DPP10: variants seen among roughly 807,000 people sequenced by gnomAD.
DPP10 encodes the protein inactive dipeptidyl peptidase 10.
Under a neutral mutation model 120.9 loss-of-function variants are expected in DPP10, and 33 were observed. That is an observed-to-expected ratio of 0.27 (90% CI 0.21 to 0.37). DPP10 has a LOEUF of 0.37. Ranked by LOEUF, DPP10 falls within the 10% of genes least tolerant of loss-of-function variation. The probability of loss-of-function intolerance (pLI) is 1.00; values close to 1 mark genes in which losing one functional copy is unlikely to be tolerated. For synonymous variants in DPP10, 337 were observed against 326.1 expected (o/e 1.03, Z -0.36); for missense variants, 816 against 942.8 (o/e 0.87, Z 1.76).
intron 3 of DPP10, among the ~76,000 whole-genome samples, chr2:115,420,644 A>G (rs1041548452): frequency 3.2e-4 from 48 of 152,274 alleles, no homozygotes; most frequent in African/African-American, 1.1e-3. Context: ...TCTGAAAACA[A>G]AGACTGGTAA....
At chr2:115,414,036 T>G (rs1330806377) in intron 3 of DPP10, among the ~76,000 whole-genome samples, 1 of 152,144 alleles carries the variant, frequency 6.6e-6, no homozygotes, top group East Asian at 1.9e-4. Context: ...AAGCCTTTAA[T>G]TCTGAGGAAG....
At chr2:115,538,536 G>A (rs1443671722) in intron 5 of DPP10, among the ~76,000 whole-genome samples, 1 of 151,888 alleles carries the variant, frequency 6.6e-6, no homozygotes, top group Non-Finnish European at 1.5e-5. Flanking sequence ...GATAACCTAG[G>A]GGTGGCAATG....
intron 19 of DPP10, among the ~76,000 whole-genome samples, chr2:115,804,463 G>C (rs879889328): frequency 6.6e-6 from 1 of 152,162 alleles, no homozygotes; most frequent in African/African-American, 2.4e-5. Context: ...GCTTCGTTCC[G>C]TTGCTGGTGA....
At chr2:115,011,131 TC>T (rs1702233427) in intron 1 of DPP10, among the ~76,000 whole-genome samples, 1 of 152,220 alleles carries the variant, frequency 6.6e-6, no homozygotes, top group Non-Finnish European at 1.5e-5. Flanking sequence ...CGTATTGTGG[TC>T]AAAGAACATA....
intron 3 of DPP10, among the ~76,000 whole-genome samples, chr2:115,473,458 T>G (rs975544221): frequency 6.6e-6 from 1 of 152,172 alleles, no homozygotes; most frequent in Non-Finnish European, 1.5e-5. Context: ...CAGAACCAGA[T>G]GCAAGCTTTA....
At chr2:115,109,560 C>A (rs903877211) in intron 1 of DPP10, among the ~76,000 whole-genome samples, 1 of 151,846 alleles carries the variant, frequency 6.6e-6, no homozygotes, top group East Asian at 1.9e-4. Context: ...AAAAATTCAA[C>A]GTTGTCAATA....
chr2:115,048,296 T>C (rs1213295330), intron 1 of DPP10, among the ~76,000 whole-genome samples: 1 of 152,022 alleles, frequency 6.6e-6, no homozygotes, highest in East Asian at 1.9e-4. Context: ...CCCAATCTAA[T>C]AAATCAGTAA....
chr2:114,650,882 A>C (rs2105483011), intron 1 of DPP10, among the ~76,000 whole-genome samples: 1 of 152,054 alleles, frequency 6.6e-6, no homozygotes, highest in East Asian at 1.9e-4. Flanking sequence ...CTTGGTACAT[A>C]CTCTTTTTAC....
chr2:114,536,492 G>A lies in DPP10; in HGVS notation c.60+93654G>A, dbSNP rs1686508581. On this transcript the variant is annotated intron_variant, in intron 1 of 25. Transcript: ENST00000410059. ...GCCATCTCAGCTCACTGCAACCTCT[G>A]TCTCCCGGGTTCACACCATTCTCCT... Among the ~76,000 whole-genome samples, 3 of 142,596 alleles carry A rather than the reference G, an allele frequency of 2.1e-5. No homozygotes were observed. In the Admixed American group the frequency reaches 2.3e-4, roughly 11 times the overall value. The allele number at this position is 142,596 out of a possible 152,430, so 93.5% of individuals were successfully genotyped here. A position where few individuals can be genotyped will look rare whatever the true frequency, so the allele number is the denominator to read the frequency against.
intron 1 of DPP10, among the ~76,000 whole-genome samples, chr2:115,039,598 C>T (rs141241035): frequency 1.5e-3 from 234 of 152,030 alleles, no homozygotes; most frequent in African/African-American, 5.2e-3. Flanking sequence ...CAGTCAGTGA[C>T]ATTATTCTTG....
In DPP10 at chr2:114,630,502, C is replaced by A. The variant is rs373843618; in HGVS notation, c.60+187664C>A. On this transcript the variant is annotated intron_variant, in intron 1 of 25. Coordinates refer to ENST00000410059, the MANE Select transcript of DPP10 (RefSeq NM_020868.6). The stretch of plus-strand genomic sequence containing the variant: ...TCACCCCATTCCATTATAATTTGAT[C>A]ATTTAAATGAGAAGACAAATATATT... Among the ~76,000 whole-genome samples, 10 of 152,218 alleles carry A rather than the reference C, an allele frequency of 6.6e-5. No individual in the cohort carries two copies. In the East Asian group the frequency reaches 1.7e-3, roughly 26 times the overall value.
intron 1 of DPP10, among the ~76,000 whole-genome samples, chr2:114,947,791 CT>C (rs1333453241): frequency 6.6e-6 from 1 of 151,930 alleles, no homozygotes. Context: ...TCAAAGTGTG[CT>C]TTTTTTCCTG....
At chr2:115,099,910 T>C (rs985697001) in intron 1 of DPP10, among the ~76,000 whole-genome samples, 5 of 152,194 alleles carry the variant, frequency 3.3e-5, no homozygotes, top group African/African-American at 1.2e-4. Context: ...ATTACTTGGT[T>C]CAATAAGATC....
chr2:115,398,065 CACAA>C (rs1267353288), intron 3 of DPP10, among the ~76,000 whole-genome samples: 4 of 152,206 alleles, frequency 2.6e-5, no homozygotes, highest in African/African-American at 9.6e-5. Context: ...ATGTTCATCA[CACAA>C]ACAGCTGCAT....
At chr2:114,887,517 CAA>C (rs1476020571) in intron 1 of DPP10, among the ~76,000 whole-genome samples, 2 of 152,204 alleles carry the variant, frequency 1.3e-5, no homozygotes, top group Non-Finnish European at 2.9e-5. Flanking sequence ...GAAACATCCC[CAA>C]AGTCTTGGGA....
intron 1 of DPP10, among the ~76,000 whole-genome samples, chr2:114,906,254 C>A (rs917846500): frequency 6.6e-6 from 1 of 151,768 alleles, no homozygotes; most frequent in African/African-American, 2.4e-5. Context: ...TGTGGTGGTG[C>A]GTGCCTGTAG....
chr2:115,478,714 A>G (rs2075245346), intron 3 of DPP10, among the ~76,000 whole-genome samples: 1 of 152,198 alleles, frequency 6.6e-6, no homozygotes, highest in African/African-American at 2.4e-5. Context: ...AAGAATTACA[A>G]AACAAACAGC....
intron 1 of DPP10, among the ~76,000 whole-genome samples, chr2:114,959,184 G>C (rs1698432382): frequency 6.6e-6 from 1 of 152,046 alleles, no homozygotes; most frequent in Admixed American, 6.6e-5. Flanking sequence ...CTAAAACACA[G>C]TTTTATTGTG....
At chr2:115,730,881 G>A (rs1263421372) in intron 8 of DPP10, among the ~76,000 whole-genome samples, 1 of 152,144 alleles carries the variant, frequency 6.6e-6, no homozygotes, top group Non-Finnish European at 1.5e-5. Flanking sequence ...AATGCTGTAC[G>A]TGTATGTGAT....
Sources: gnomAD v4.1 joint callset for allele counts (sites outside exome capture counted in the v4.1 genomes callset) on GRCh38, gnomAD v4.1.1 for gene constraint, MANE v1.5 for transcripts, NCBI Gene and HGNC (gene_info 2026-07-23, HGNC 2026-07-21) for gene names.